The following FEZ1 variants were observed in gnomAD, a reference collection of about 807,000 sequenced individuals.
FEZ1 encodes fasciculation and elongation protein zeta-1.
A neutral mutation model predicts 49.3 loss-of-function variants in FEZ1; 20 were observed. The observed-to-expected ratio is 0.41, with a 90% CI of 0.29 to 0.59. The LOEUF (loss-of-function observed/expected upper bound fraction) is 0.59, where lower values mean the gene tolerates loss of function less well. Ranked by LOEUF, FEZ1 falls within the 20% of genes least tolerant of loss-of-function variation. The probability of loss-of-function intolerance (pLI) is 0.36; values close to 1 mark genes in which losing one functional copy is unlikely to be tolerated. For missense variants in FEZ1, 413 were observed against 476.0 expected, an observed-to-expected ratio of 0.87 and a Z score of 1.23; for synonymous variants, 170 against 180.9, an observed-to-expected ratio of 0.94 and a Z score of 0.48.
In FEZ1 at chr11:125,451,747, C is replaced by T. The variant is rs1218764106; in HGVS notation, c.1096+587G>A. Among the ~76,000 whole-genome samples, 5 of 152,218 alleles carry T rather than the reference C, an allele frequency of 3.3e-5. No individual in the cohort carries two copies. In the East Asian group the frequency reaches 5.8e-4, roughly 18 times the overall value. On this transcript the variant is annotated intron_variant, in intron 8 of 9. Transcript: ENST00000278919. ...ATAAACAGTTACTGTCTACAAAAGG[C>T]TCTTTGTTACACACTGTTTTCCCTC...
rs1591609489 is a variant in FEZ1 at position 125,495,785 on chromosome 11, GGC to G, written c.-46+334_-46+335del. On this transcript the variant is annotated intron_variant, in intron 1 of 9. Coordinates refer to ENST00000278919, the MANE Select transcript of FEZ1 (RefSeq NM_005103.5). This position sits in a 1 kb window ranked among gnomAD's most constrained non-coding sequence, Gnocchi z 4.2. Reference sequence around the variant, plus strand: ...GCCTTCACACGCGCGCACACACGCGGGCACACACACGCGGACACACACACACA... The same window carrying G: ...GCCTTCACACGCGCGCACACACGCGGACACACACGCGGACACACACACACA... The G allele has an allele frequency of 2.9e-6, 1 of 346,898 alleles. No individual in the cohort carries two copies. The highest frequency in any genetic ancestry group is 4.0e-5 in the Admixed American group (1 of 24,944). The allele number at this position is 346,898 out of a possible 1,614,324, so 21.5% of individuals were successfully genotyped here. A position where few individuals can be genotyped will look rare whatever the true frequency, so the allele number is the denominator to read the frequency against.
intron 4 of FEZ1, among the ~76,000 whole-genome samples, chr11:125,461,310 CA>C (rs1957072176): frequency 6.6e-6 from 1 of 152,126 alleles, no homozygotes; most frequent in African/African-American, 2.4e-5. Flanking sequence ...CCAAAAGGAA[CA>C]AAAGTGAATT....
At chr11:125,446,139 C>T (rs370358975) in intron 9 of FEZ1, 28 bp from the exon 10 acceptor site, 19 of 1,613,286 alleles carry the variant, frequency 1.2e-5, no homozygotes, top group Middle Eastern at 1.7e-4. Flanking sequence ...GAGGGGAGAG[C>T]GGTCAGAACA....
In FEZ1 at chr11:125,442,948, C is replaced by T. The variant is rs889629987; in HGVS notation, c.*3147G>A. On this transcript the variant is annotated 3_prime_UTR_variant, in exon 10 of 10. Coordinates refer to ENST00000278919, the MANE Select transcript of FEZ1 (RefSeq NM_005103.5). ...AGGGGGTTTCACCATGTTGGCCAGG[C>T]TGGTCTCAAACTCCTGACCTCAGGT... Among the ~76,000 whole-genome samples the T allele has an allele frequency of 8.6e-5, 13 of 151,968 alleles. No homozygotes were observed. The highest frequency in any genetic ancestry group is 3.1e-4 in the African/African-American group (13 of 41,360).
At chr11:125,468,659 A>G (rs1458471794) in intron 3 of FEZ1, among the ~76,000 whole-genome samples, 1 of 152,128 alleles carries the variant, frequency 6.6e-6, no homozygotes, top group Admixed American at 6.6e-5. Context: ...AACAGGAGAA[A>G]AGGCAACAGC....
intron 6 of FEZ1, among the ~76,000 whole-genome samples, chr11:125,454,760 A>G (rs1248095854): frequency 2.1e-4 from 32 of 152,278 alleles, no homozygotes; most frequent in Non-Finnish European, 3.2e-4. Context: ...TCACACCTGT[A>G]ATCCCAGCAC....
chr11:125,477,204 G>A (rs1428448213), intron 3 of FEZ1, among the ~76,000 whole-genome samples: 1 of 151,918 alleles, frequency 6.6e-6, no homozygotes, highest in Non-Finnish European at 1.5e-5. Context: ...TTCAAGATTA[G>A]CCAATTCTGG....
At position 125,495,799 on chromosome 11, in the gene FEZ1, G is replaced by GACACACACACACAC. The variant is rs10524234; in HGVS notation, c.-46+308_-46+321dup. 71 of 310,020 alleles carry GACACACACACACAC rather than the reference G, an allele frequency of 2.3e-4. No individual in the cohort carries two copies. Among genetic ancestry groups the GACACACACACACAC allele is most frequent in the African/African-American group, 1.4e-3 (62 of 43,194 alleles). The allele number at this position is 310,020 out of a possible 1,614,324, so 19.2% of individuals were successfully genotyped here. Reference sequence around the variant, plus strand: ...GCACACACGCGGGCACACACACGCGGACACACACACACACACACACACACA... The same window carrying GACACACACACACAC: ...GCACACACGCGGGCACACACACGCGGACACACACACACACACACACACACACACACACACACACA... On this transcript the variant is annotated intron_variant, in intron 1 of 9. Coordinates refer to ENST00000278919, the MANE Select transcript of FEZ1 (RefSeq NM_005103.5). The surrounding 1 kb of genome is among the most constrained non-coding windows in gnomAD (Gnocchi z 4.2).
rs1264606914 is a variant in FEZ1 at position 125,446,087 on chromosome 11, G to C, written c.*8C>G. ...CCTCCTGCAGCGAGGCTGCTCCAAAGGGCAAGGTTAGGTAGGGCAGAGCAC... is the reference window on the plus strand; with the variant it reads ...CCTCCTGCAGCGAGGCTGCTCCAAACGGCAAGGTTAGGTAGGGCAGAGCAC... On this transcript the variant is annotated 3_prime_UTR_variant, in exon 10 of 10. Transcript: ENST00000278919. The C allele has an allele frequency of 3.7e-6, 6 of 1,613,966 alleles. No individual in the cohort carries two copies. The South Asian group carries it at 6.6e-5, about 18-fold the overall frequency.
In FEZ1 at chr11:125,495,680, G is replaced by T. The variant is rs990854505; in HGVS notation, c.-46+441C>A. ...GGTGACTGGACCAGATAACGGTCCC[G>T]GGACGAGGTACCGACCCACTGCCCC... On this transcript the variant is annotated intron_variant, in intron 1 of 9. Transcript: ENST00000278919. This position sits in a 1 kb window ranked among gnomAD's most constrained non-coding sequence, Gnocchi z 4.2. 1 of 385,016 alleles carries T rather than the reference G, an allele frequency of 2.6e-6. No individual in the cohort carries two copies. The allele number at this position is 385,016 out of a possible 1,614,324, so 23.8% of individuals were successfully genotyped here.
At chr11:125,484,028 G>C (rs975422814) in intron 2 of FEZ1, among the ~76,000 whole-genome samples, 1 of 152,090 alleles carries the variant, frequency 6.6e-6, no homozygotes, top group Non-Finnish European at 1.5e-5. Flanking sequence ...ATTTTGTCCA[G>C]GTTTCCTTTT....
chr11:125,467,407 T>A (rs1957140838), intron 3 of FEZ1, among the ~76,000 whole-genome samples: 1 of 152,232 alleles, frequency 6.6e-6, no homozygotes, highest in South Asian at 2.1e-4. Flanking sequence ...TGGCTGTGCA[T>A]TCCCATAGGG....
At position 125,456,121 on chromosome 11, in the gene FEZ1, C is replaced by A. The variant is rs748611495; in HGVS notation, c.668-15G>T. On this transcript the variant is annotated splice_polypyrimidine_tract_variant and intron_variant, in intron 5 of 9. Transcript: ENST00000278919. ...GTGCCTCAGCCCTGCAGGGGAAGAC[C>A]GTCTCCCGCATAACACCTGCATCCA... 9 of 1,564,130 alleles carry A rather than the reference C, an allele frequency of 5.8e-6. No individual in the cohort carries two copies. The highest frequency in any genetic ancestry group is 1.9e-5 in the Admixed American group (1 of 53,972).
chr11:125,464,710 G>C (rs550109475), intron 3 of FEZ1, among the ~76,000 whole-genome samples: 2 of 139,212 alleles, frequency 1.4e-5, no homozygotes, highest in African/African-American at 5.3e-5. Context: ...TTAAAACCAG[G>C]ACTATGTCAT....
chr11:125,461,579 C>T (rs12291812), intron 4 of FEZ1, among the ~76,000 whole-genome samples: 1,703 of 152,202 alleles, frequency 0.011, 29 homozygotes, highest in African/African-American at 0.03. Context: ...TGGACTCCAG[C>T]CTGGGCAATA....
intron 3 of FEZ1, among the ~76,000 whole-genome samples, chr11:125,465,127 C>A (rs976038179): frequency 7.9e-5 from 12 of 152,018 alleles, no homozygotes; most frequent in African/African-American, 1.2e-4. Context: ...TAGTGTGAGC[C>A]CAAGTTAGGC....
chr11:125,458,455 G>A (rs755802805), intron 5 of FEZ1, among the ~76,000 whole-genome samples: 31 of 152,164 alleles, frequency 2.0e-4, no homozygotes, highest in Non-Finnish European at 4.3e-4. Context: ...GATGGCCTCT[G>A]GAGTTAACCT....
At chr11:125,450,915 T>C (rs1293593900) in intron 8 of FEZ1, among the ~76,000 whole-genome samples, 1 of 152,166 alleles carries the variant, frequency 6.6e-6, no homozygotes, top group Non-Finnish European at 1.5e-5. Context: ...ATTTCCAAAG[T>C]AGTCTAAATG....
chr11:125,472,657 T>C (rs1454749552), intron 3 of FEZ1, among the ~76,000 whole-genome samples: 1 of 151,998 alleles, frequency 6.6e-6, no homozygotes, highest in Non-Finnish European at 1.5e-5. Flanking sequence ...ATAATACCAA[T>C]GTAATACAAA....
Sources: allele counts gnomAD v4.1 joint callset (sites outside exome capture counted in the v4.1 genomes callset), GRCh38; gene constraint gnomAD v4.1.1; non-coding constraint Gnocchi (gnomAD v3.1); transcripts MANE v1.5; gene names NCBI Gene and HGNC (gene_info 2026-07-23, HGNC 2026-07-21).